The following SPINK5 variants were observed in gnomAD, a reference collection of about 807,000 sequenced individuals.
SPINK5 encodes serine protease inhibitor Kazal-type 5.
Under a neutral mutation model 151.8 loss-of-function variants are expected in SPINK5, and 125 were observed. The observed-to-expected ratio is 0.82, with a 90% confidence interval of 0.71 to 0.96. The LOEUF is 0.96. SPINK5 is among the 40% of genes least tolerant of loss of function. SPINK5 has a pLI of 0.00. For synonymous variants in SPINK5, 374 were observed against 395.3 expected (o/e 0.95, Z 0.64); for missense variants, 1,194 against 1,291.9 (o/e 0.92, Z 1.16).
At chr5:148,106,316 T>A (rs1389502711) in intron 16 of SPINK5, among the ~76,000 whole-genome samples, 1 of 151,088 alleles carries the variant, frequency 6.6e-6, no homozygotes, top group East Asian at 1.9e-4. Flanking sequence ...TATGTCTTTT[T>A]AAATTTATTT....
intron 32 of SPINK5, 145 bp downstream of exon 32, chr5:148,134,032 A>C (rs1467804024): frequency 3.9e-6 from 3 of 762,618 alleles, no homozygotes; most frequent in Non-Finnish European, 4.6e-6. Context: ...TCACATTTTC[A>C]CTATAAGGAT....
At chr5:148,120,246 T>A (rs1346387852) in intron 25 of SPINK5, 49 bp from the exon 26 acceptor site, 1 of 1,606,658 alleles carries the variant, frequency 6.2e-7, no homozygotes, top group Admixed American at 1.7e-5. Context: ...TGGTAATTAA[T>A]GAGGCGTTTG....
In SPINK5 at chr5:148,133,896, A is replaced by G. The variant is rs375728523; in HGVS notation, c.3186+9A>G. ...CCAGCATGCCCCCGTCTGTAAGTAC[A>G]TAAGTAGACTGGCCTCCATGGTTAC... On this transcript the variant is annotated intron_variant, in intron 32 of 32. Coordinates refer to ENST00000256084, the MANE Select transcript of SPINK5 (RefSeq NM_006846.4). The G allele has an allele frequency of 1.9e-5, 30 of 1,613,688 alleles. No individual in the cohort carries two copies. The highest frequency in any genetic ancestry group is 1.7e-5 in the Admixed American group (1 of 59,920).
At position 148,064,104 on chromosome 5, in the gene SPINK5, G is replaced by T. The variant is rs771559822; in HGVS notation, c.55+5G>T. ...TGGCTCTTTGCCTCATACAAGGTGA[G>T]CAATTTGTGTGTAATCTAAGCCTCT... On this transcript the variant is annotated splice_donor_5th_base_variant and intron_variant, in intron 1 of 32. Coordinates refer to ENST00000256084, the MANE Select transcript of SPINK5 (RefSeq NM_006846.4). 1.2e-6 allele frequency: 2 copies of T among 1,614,100 alleles called. No individual in the cohort carries two copies. Among genetic ancestry groups the T allele is most frequent in the South Asian group, 2.2e-5 (2 of 91,086 alleles).
At position 148,086,440 on chromosome 5, in the gene SPINK5, T is replaced by C; in HGVS notation, c.318T>C (p.Asp106=). The change falls in exon 5 of 33, where the codon GAT becomes GAC. Residue 106 remains aspartate (D), a synonymous_variant. Transcript: ENST00000256084. ...ATGATTTTAAAAAAGGAGAAAGAGA[T>C]GGGGATTTTATCTGTCCTGATTATT... The part of the protein sequence containing the change: ...NCDDFKKGER[D]GDFICPDYYE... 6.2e-7 allele frequency: 1 copy of C among 1,611,744 alleles called. No homozygotes were observed. The highest frequency in any genetic ancestry group is 1.3e-5 in the African/African-American group (1 of 74,822).
intron 32 of SPINK5, among the ~76,000 whole-genome samples, chr5:148,134,255 A>G (rs1561710484): frequency 6.6e-6 from 1 of 152,154 alleles, no homozygotes; most frequent in Admixed American, 6.5e-5. Context: ...AACAATTTCT[A>G]TATAATGCCC....
chr5:148,122,785 T>C (rs919198714), intron 26 of SPINK5, among the ~76,000 whole-genome samples: 3 of 152,092 alleles, frequency 2.0e-5, no homozygotes, highest in Non-Finnish European at 4.4e-5. Context: ...AGAATGGGGA[T>C]GATGCGTATT....
intron 2 of SPINK5, 90 bp downstream of exon 2, chr5:148,065,462 A>G (rs1752555954): frequency 7.4e-6 from 10 of 1,350,392 alleles, no homozygotes; most frequent in Non-Finnish European, 9.5e-6. Flanking sequence ...TAATAATACA[A>G]ACATATTATA....
chr5:148,098,777 G>A (rs531642807), intron 11 of SPINK5, among the ~76,000 whole-genome samples: 11 of 151,980 alleles, frequency 7.2e-5, no homozygotes, highest in African/African-American at 2.7e-4. Flanking sequence ...CCATGGTCTT[G>A]AGGGAGGAGA....
intron 21 of SPINK5, among the ~76,000 whole-genome samples, 192 bp from the exon 22 acceptor site, chr5:148,116,178 G>T (rs182318723): frequency 2.0e-4 from 31 of 152,160 alleles, no homozygotes; most frequent in Admixed American, 1.7e-3. Flanking sequence ...ATTTTAATGA[G>T]ACCCTTCCTG....
At chr5:148,133,473 C>T (rs904757005) in intron 31 of SPINK5, among the ~76,000 whole-genome samples, 1 of 152,186 alleles carries the variant, frequency 6.6e-6, no homozygotes, top group Admixed American at 6.5e-5. Context: ...AAACATCTCT[C>T]TGGGATCTGA....
chr5:148,074,025 T>C (rs1752817456), intron 4 of SPINK5, among the ~76,000 whole-genome samples: 1 of 151,892 alleles, frequency 6.6e-6, no homozygotes, highest in African/African-American at 2.4e-5. Flanking sequence ...AATTTTTCCT[T>C]GTCTCTGTAT....
intron 26 of SPINK5, among the ~76,000 whole-genome samples, chr5:148,121,022 A>G (rs1184425686): frequency 1.3e-5 from 2 of 151,140 alleles, no homozygotes; most frequent in East Asian, 2.0e-4. Flanking sequence ...GCGGGCGCCT[A>G]TAGTCCCAGC....
At chr5:148,097,042 C>T (rs933463948) in intron 10 of SPINK5, among the ~76,000 whole-genome samples, 73 of 151,456 alleles carry the variant, frequency 4.8e-4, no homozygotes, top group African/African-American at 1.7e-3. Context: ...TTTTCTCCTT[C>T]CTTCCCTTTC....
intron 2 of SPINK5, among the ~76,000 whole-genome samples, chr5:148,067,486 A>C (rs2127185442): frequency 6.6e-6 from 1 of 152,254 alleles, no homozygotes. Context: ...CCTCTCTATT[A>C]TGGTCATTGA....
chr5:148,125,016 CT>C (rs1754395081), intron 28 of SPINK5, 179 bp downstream of exon 28: 8 of 905,948 alleles, frequency 8.8e-6, no homozygotes, highest in Admixed American at 3.9e-5. Flanking sequence ...GGTTTGATAC[CT>C]TTTTTGATTT....
At chr5:148,083,452 T>G (rs1026196393) in intron 4 of SPINK5, among the ~76,000 whole-genome samples, 1 of 151,488 alleles carries the variant, frequency 6.6e-6, no homozygotes, top group Non-Finnish European at 1.5e-5. Flanking sequence ...CTTTCATTTT[T>G]AAAATATTTT....
At chr5:148,092,100 G>C (rs1205953835) in intron 8 of SPINK5, among the ~76,000 whole-genome samples, 1 of 151,870 alleles carries the variant, frequency 6.6e-6, no homozygotes, top group Admixed American at 6.6e-5. Flanking sequence ...ATAATGACCT[G>C]AATTTTACCT....
intron 2 of SPINK5, among the ~76,000 whole-genome samples, chr5:148,069,087 C>T (rs1439413647): frequency 4.0e-5 from 6 of 151,852 alleles, no homozygotes; most frequent in African/African-American, 1.5e-4. Context: ...GGCGATAGAG[C>T]AAGACTCCAT....
Sources: allele counts gnomAD v4.1 joint callset (sites outside exome capture counted in the v4.1 genomes callset), GRCh38; gene constraint gnomAD v4.1.1; transcripts MANE v1.5; gene names NCBI Gene and HGNC (gene_info 2026-07-23, HGNC 2026-07-21).